The following MIDN variants were observed in gnomAD, a reference collection of about 807,000 sequenced individuals.
The protein encoded by MIDN is midnolin, also known as midbrain nucleolar protein.
Under a neutral mutation model 46.1 loss-of-function variants are expected in MIDN, and 26 were observed. The ratio of observed to expected loss-of-function variants is 0.56; its 90% CI spans 0.41 to 0.78. The LOEUF (loss-of-function observed/expected upper bound fraction) is 0.78. Ranked by LOEUF, MIDN falls within the 30% of genes least tolerant of loss-of-function variation. The probability of loss-of-function intolerance (pLI) is 0.00; values close to 1 mark genes in which losing one functional copy is unlikely to be tolerated. For missense variants in MIDN, 850 were observed against 771.8 expected, an observed-to-expected ratio of 1.10 and a Z score of -1.20; for synonymous variants, 432 against 343.3, an observed-to-expected ratio of 1.26 and a Z score of -2.86.
At chr19:1,253,574 G>C (rs532410042) in intron 4 of MIDN, 1 of 156,786 alleles carries the variant, frequency 6.4e-6, no homozygotes, top group Non-Finnish European at 1.4e-5. Flanking sequence ...TGTGCCCTCC[G>C]GGACTCCAGC....
rs543672421 is a variant in MIDN at position 1,257,303 on chromosome 19, C to T, written c.*31C>T. The T allele has an allele frequency of 2.2e-5, 35 of 1,599,050 alleles. No homozygotes were observed. The African/African-American group carries it at 4.0e-4, about 18-fold the overall frequency. ...TCGGATCGGCCACCCTCGCCCCTCG[C>T]ACCCCAGCCCAGGGCGGCGGGGACT... On this transcript the variant is annotated 3_prime_UTR_variant, in exon 9 of 9. Transcript: ENST00000682408.
Position 1,255,053 on chromosome 19 carries a change from C to T in MIDN, c.977C>T (p.Thr326Ile), listed in dbSNP as rs899672358. The change falls in exon 7 of 9, where the codon ACC becomes ATC. Residue 326 changes from threonine (T) to isoleucine (I), a missense_variant. Physicochemically the swap from Thr to Ile is moderately conservative, Grantham distance 89. Transcript: ENST00000682408. ...CACGCCCCGGGGGTCTTCTCAGGGA[C>T]CTTCTCTGGTAGGTGTCACAGCACA... ...VNHAPGVFSG[T>I]FSGTLHPNCQ... 1.2e-6 allele frequency: 2 copies of T among 1,612,190 alleles called. No homozygotes were observed. Among genetic ancestry groups the T allele is most frequent in the African/African-American group, 1.3e-5 (1 of 74,858 alleles).
rs1429374159 is a variant in MIDN, at chr19:1,258,838, G to A, written c.*1566G>A. The stretch of plus-strand genomic sequence containing the variant: ...TAGAAAAAAAAGGAGTAAAAGGGGC[G>A]GGTTTGTTTTTTGAAGAACTGTCTT... On this transcript the variant is annotated 3_prime_UTR_variant, in exon 9 of 9. Coordinates refer to ENST00000682408, the MANE Select transcript of MIDN (RefSeq NM_001388306.1). 5 of 151,898 alleles carry A rather than the reference G, an allele frequency of 3.3e-5. No homozygotes were observed. Among genetic ancestry groups the A allele is most frequent in the Non-Finnish European group, 5.9e-5 (4 of 67,956 alleles). The allele number at this position is 151,898 out of a possible 1,614,324, so 9.4% of individuals were successfully genotyped here. A position where few individuals can be genotyped will look rare whatever the true frequency, so the allele number is the denominator to read the frequency against.
In MIDN at chr19:1,251,907, A is replaced by G; in HGVS notation, c.384+6A>G. 1.2e-6 allele frequency: 2 copies of G among 1,612,040 alleles called. No individual in the cohort carries two copies. Among genetic ancestry groups the G allele is most frequent in the Non-Finnish European group, 1.7e-6 (2 of 1,179,192 alleles). ...AGAGTCTCACGGAGACGCAGGTAAG[A>G]CCTCGCCAGCCCCTTCCTAACAGGG... On this transcript the variant is annotated splice_donor_region_variant and intron_variant, in intron 4 of 8. Coordinates refer to ENST00000682408, the MANE Select transcript of MIDN (RefSeq NM_001388306.1).
Position 1,257,308 on chromosome 19 carries a change from C to A in MIDN, c.*36C>A. On this transcript the variant is annotated 3_prime_UTR_variant, in exon 9 of 9. Transcript: ENST00000682408. ...TCGGCCACCCTCGCCCCTCGCACCC[C>A]AGCCCAGGGCGGCGGGGACTCCGAG... The A allele has an allele frequency of 6.3e-7, 1 of 1,587,614 alleles. No individual in the cohort carries two copies.
In MIDN at chr19:1,258,856, A is replaced by G. The variant is rs1372299668; in HGVS notation, c.*1584A>G. 2 of 151,988 alleles carry G rather than the reference A, an allele frequency of 1.3e-5. No homozygotes were observed. Among genetic ancestry groups the G allele is most frequent in the Non-Finnish European group, 2.9e-5 (2 of 67,978 alleles). The allele number at this position is 151,988 out of a possible 1,614,324, so 9.4% of individuals were successfully genotyped here. A position where few individuals can be genotyped will look rare whatever the true frequency, so the allele number is the denominator to read the frequency against. On this transcript the variant is annotated 3_prime_UTR_variant, in exon 9 of 9. Transcript: ENST00000682408. ...AAGGGGCGGGTTTGTTTTTTGAAGA[A>G]CTGTCTTGGATACCTATTTAAATGT...
At position 1,257,538 on chromosome 19, in the gene MIDN, CGTCT is replaced by C. The variant is rs1283546895; in HGVS notation, c.*271_*274del. On this transcript the variant is annotated 3_prime_UTR_variant, in exon 9 of 9. Coordinates refer to ENST00000682408, the MANE Select transcript of MIDN (RefSeq NM_001388306.1). The stretch of plus-strand genomic sequence containing the variant: ...CCTCTTCCTCCTCCTCCTCCTCCTC[CGTCT>C]GTCTCCTTTCACCTCTGCGCCAGGT... The C allele has an allele frequency of 9.3e-6, 4 of 430,094 alleles. No homozygotes were observed. The highest frequency in any genetic ancestry group is 8.5e-5 in the Admixed American group (2 of 23,474). 26.6% of individuals were successfully genotyped at this position (430,094 alleles called of 1,614,324 possible). A position where few individuals can be genotyped will look rare whatever the true frequency, so the allele number is the denominator to read the frequency against.
At chr19:1,255,885 G>A (rs1244082472) in intron 8 of MIDN, among the ~76,000 whole-genome samples, 191 bp downstream of exon 8, 1 of 152,250 alleles carries the variant, frequency 6.6e-6, no homozygotes, top group Non-Finnish European at 1.5e-5. Flanking sequence ...AAGTGTCCTT[G>A]TGTGCTCCCG....
intron 4 of MIDN, among the ~76,000 whole-genome samples, chr19:1,253,498 G>A (rs546942111): frequency 1.8e-4 from 27 of 151,808 alleles, no homozygotes; most frequent in African/African-American, 4.8e-4. Flanking sequence ...GCGAGGACAG[G>A]GTGAGATTCA....
Position 1,248,597 on chromosome 19 carries a change from A to C in MIDN, c.-471A>C, listed in dbSNP as rs2145480266. The stretch of plus-strand genomic sequence containing the variant: ...GCGCTTGGCCCAGACCGGCCCGGCC[A>C]GCGCGCATTCGGCCCCGGACGAAGG... On this transcript the variant is annotated 5_prime_UTR_variant, in exon 1 of 9. Coordinates refer to ENST00000682408, the MANE Select transcript of MIDN (RefSeq NM_001388306.1). The C allele has an allele frequency of 6.9e-6, 1 of 145,860 alleles. No homozygotes were observed. The highest frequency in any genetic ancestry group is 2.4e-4 in the South Asian group (1 of 4,154). 9.0% of individuals were successfully genotyped at this position (145,860 alleles called of 1,614,324 possible). A position where few individuals can be genotyped will look rare whatever the true frequency, so the allele number is the denominator to read the frequency against.
rs2081177151 is a variant in MIDN at position 1,254,767 on chromosome 19, T to C, written c.826-135T>C. The C allele has an allele frequency of 4.6e-6, 5 of 1,087,404 alleles. No individual in the cohort carries two copies. The African/African-American group carries it at 6.3e-5, about 14-fold the overall frequency. 67.4% of individuals were successfully genotyped at this position (1,087,404 alleles called of 1,614,324 possible). A position where few individuals can be genotyped will look rare whatever the true frequency, so the allele number is the denominator to read the frequency against. On this transcript the variant is annotated intron_variant, in intron 6 of 8. Transcript: ENST00000682408. ...TGGGTTGGTTGTGACCTCGTGACCT[T>C]GGGCTAGTTTATCTCTAAACCCTGT...
intron 3 of MIDN, 28 bp downstream of exon 3, chr19:1,251,677 C>T: frequency 6.3e-7 from 1 of 1,589,790 alleles, no homozygotes; most frequent in Non-Finnish European, 8.6e-7. Flanking sequence ...TGCGTGCCCC[C>T]AGAGGCCCCC....
At chr19:1,255,112 C>A (rs1350025531) in intron 7 of MIDN, 51 bp downstream of exon 7, 2 of 1,573,188 alleles carry the variant, frequency 1.3e-6, no homozygotes, top group Non-Finnish European at 1.7e-6. Context: ...TGACCCTGTG[C>A]ATTTGGGGTC....
At position 1,250,360 on chromosome 19, in the gene MIDN, C is replaced by T. The variant is rs1465689973; in HGVS notation, c.64C>T (p.Leu22=). Reference sequence around the variant, plus strand: ...CGGGGCCCCCGGCGGCGCCTGCGAGCTGGGCCCGGCGGCCGAGGCGGCGCC... The same window carrying T: ...CGGGGCCCCCGGCGGCGCCTGCGAGTTGGGCCCGGCGGCCGAGGCGGCGCC... ...RRGAPGGACE[L]GPAAEAAPMS... Residue 22 remains leucine (L), a synonymous_variant, in exon 2 of 9, where the codon CTG becomes TTG. Transcript: ENST00000682408. The T allele has an allele frequency of 1.6e-5, 18 of 1,109,422 alleles. No homozygotes were observed. The highest frequency in any genetic ancestry group is 2.0e-5 in the Non-Finnish European group (18 of 904,288). The allele number at this position is 1,109,422 out of a possible 1,614,324, so 68.7% of individuals were successfully genotyped here.
rs773637739 is a variant in MIDN at position 1,251,574 on chromosome 19, G to C, written c.246G>C (p.Ser82=). ...TTCCTCCCCCCAGCCGGCTCAGTTC[G>C]GGGAAGCTGCAGGAGTTCGGCGTGG... ...ALLHKDTRLS[S]GKLQEFGVGD... The change falls in exon 3 of 9, where the codon TCG becomes TCC. Residue 82 remains serine, a synonymous_variant. Transcript: ENST00000682408. 3 of 1,607,596 alleles carry C rather than the reference G, an allele frequency of 1.9e-6. No individual in the cohort carries two copies. Among genetic ancestry groups the C allele is most frequent in the Non-Finnish European group, 2.5e-6 (3 of 1,177,882 alleles).
chr19:1,250,527 C>G lies in MIDN; in HGVS notation c.231C>G (p.Asp77Glu). The G allele has an allele frequency of 8.0e-7, 1 of 1,250,272 alleles. No individual in the cohort carries two copies. Among genetic ancestry groups the G allele is most frequent in the South Asian group, 2.3e-5 (1 of 43,942 alleles). 77.4% of individuals were successfully genotyped at this position (1,250,272 alleles called of 1,614,324 possible). ...PKERLALLHK[D>E]TRLSSGKLQE... ...AGCGCCTGGCTCTTCTCCACAAAGA[C>G]ACGTAGGTACCGCGCGCCCCCGGCC... The change falls in exon 2 of 9, where the codon GAC (aspartate) becomes GAG (glutamate). Residue 77 changes from aspartate (D) to glutamate (E), a missense_variant and splice_region_variant. Transcript: ENST00000682408.
rs900393162 is a variant in MIDN at position 1,248,608 on chromosome 19, G to C, written c.-460G>C. The C allele has an allele frequency of 6.6e-6, 1 of 152,138 alleles. No homozygotes were observed. Among genetic ancestry groups the C allele is most frequent in the African/African-American group, 2.4e-5 (1 of 41,426 alleles). The allele number at this position is 152,138 out of a possible 1,614,324, so 9.4% of individuals were successfully genotyped here. ...AGACCGGCCCGGCCAGCGCGCATTC[G>C]GCCCCGGACGAAGGTACTCGCAGCA... On this transcript the variant is annotated 5_prime_UTR_variant, in exon 1 of 9. Coordinates refer to ENST00000682408, the MANE Select transcript of MIDN (RefSeq NM_001388306.1).
chr19:1,254,977 C>T lies in MIDN; in HGVS notation c.901C>T (p.Pro301Ser). The T allele has an allele frequency of 6.2e-7, 1 of 1,613,110 alleles. No individual in the cohort carries two copies. Among genetic ancestry groups the T allele is most frequent in the African/African-American group, 1.3e-5 (1 of 75,014 alleles). ...ASTTSTPGASPAPRSRKPGAV... is the reference protein window; with the variant it reads ...ASTTSTPGASSAPRSRKPGAV... ...CACCACGTCTACCCCAGGGGCCAGC[C>T]CTGCCCCCCGCTCCCGAAAACCCGG... The change falls in exon 7 of 9, where the codon CCT (proline) becomes TCT (serine). Residue 301 changes from proline (P) to serine (S), a missense_variant. Transcript: ENST00000682408.
chr19:1,250,565 G>A (rs766042738), intron 2 of MIDN, 36 bp downstream of exon 2: 2 of 1,102,236 alleles, frequency 1.8e-6, no homozygotes, highest in Non-Finnish European at 1.1e-6. Flanking sequence ...CCGCCCCCTC[G>A]GGCCCCGGCC....
Sources: gnomAD v4.1 joint callset for allele counts (sites outside exome capture counted in the v4.1 genomes callset) on GRCh38, gnomAD v4.1.1 for gene constraint, MANE v1.5 for transcripts, NCBI Gene and HGNC (gene_info 2026-07-23, HGNC 2026-07-21) for gene names.